The following IQCK variants were observed in gnomAD, a reference collection of about 807,000 sequenced individuals.
The protein encoded by IQCK is IQ motif containing K.
IQCK carries 29 observed loss-of-function variants against 28.1 expected under a neutral mutation model. The ratio of observed to expected loss-of-function variants is 1.03; its 90% CI spans 0.77 to 1.41. The LOEUF is 1.41. Ranked by LOEUF, IQCK falls within the 40% of genes most tolerant of loss-of-function variation. The pLI, the probability that IQCK is intolerant of heterozygous loss-of-function variation, is 0.00. For missense variants in IQCK, 359 were observed against 314.7 expected, an observed-to-expected ratio of 1.14 and a Z score of -1.07; for synonymous variants, 113 against 115.1, an observed-to-expected ratio of 0.98 and a Z score of 0.12.
At chr16:19,809,445 G>T (rs1174151086) in intron 7 of IQCK, among the ~76,000 whole-genome samples, 2 of 152,190 alleles carry the variant, frequency 1.3e-5, no homozygotes, top group East Asian at 3.9e-4. Context: ...GCTGGCTGGG[G>T]CACCACAGTT....
chr16:19,749,296 G>A (rs1222750984), intron 4 of IQCK, among the ~76,000 whole-genome samples: 6 of 152,302 alleles, frequency 3.9e-5, no homozygotes, highest in Non-Finnish European at 7.3e-5. Flanking sequence ...ATAACGTTCC[G>A]AAGCTGAACG....
chr16:19,810,083 G>A (rs2055883593), intron 7 of IQCK, among the ~76,000 whole-genome samples: 2 of 152,100 alleles, frequency 1.3e-5, no homozygotes, highest in African/African-American at 4.8e-5. Context: ...AGTCCAGTGG[G>A]CAGCCAAGCT....
intron 1 of IQCK, among the ~76,000 whole-genome samples, chr16:19,721,342 A>G (rs1977489287): frequency 6.6e-6 from 1 of 152,166 alleles, no homozygotes; most frequent in South Asian, 2.1e-4. Flanking sequence ...ACCTTAACCA[A>G]CCTGACTAGT....
At chr16:19,739,218 T>A (rs1386070789) in intron 4 of IQCK, among the ~76,000 whole-genome samples, 3 of 152,180 alleles carry the variant, frequency 2.0e-5, no homozygotes, top group African/African-American at 7.2e-5. Context: ...CTCATATTGC[T>A]TTGTCAGAAA....
intron 1 of IQCK, among the ~76,000 whole-genome samples, chr16:19,723,843 C>G (rs1977571060): frequency 6.6e-6 from 1 of 151,896 alleles, no homozygotes; most frequent in African/African-American, 2.4e-5. Flanking sequence ...ACCTGTAGTC[C>G]CAGCTACTCA....
At chr16:19,792,674 C>T (rs1386622090) in intron 7 of IQCK, among the ~76,000 whole-genome samples, 6 of 103,880 alleles carry the variant, frequency 5.8e-5, no homozygotes, top group Non-Finnish European at 9.9e-5. Context: ...TGGGTTCAAG[C>T]GATTCTCCTG....
At chr16:19,755,357 C>T (rs1050980003) in intron 4 of IQCK, among the ~76,000 whole-genome samples, 2 of 152,190 alleles carry the variant, frequency 1.3e-5, no homozygotes, top group African/African-American at 2.4e-5. Context: ...AAATGGTCCA[C>T]CCAACAGAGA....
intron 4 of IQCK, among the ~76,000 whole-genome samples, chr16:19,759,453 C>A (rs892701099): frequency 6.6e-6 from 1 of 152,102 alleles, no homozygotes; most frequent in African/African-American, 2.4e-5. Context: ...AGGTGATCCG[C>A]CTGCCTCGGC....
chr16:19,839,100 C>A (rs1438223919), intron 9 of IQCK, among the ~76,000 whole-genome samples: 1 of 149,460 alleles, frequency 6.7e-6, no homozygotes, highest in Non-Finnish European at 1.5e-5. Context: ...GAGGTTAAAT[C>A]ATTCACCTTT....
chr16:19,844,892 G>A (rs368364205), intron 9 of IQCK, among the ~76,000 whole-genome samples: 3 of 152,042 alleles, frequency 2.0e-5, no homozygotes, highest in Admixed American at 6.5e-5. Context: ...CACTGCAACC[G>A]CTGCCTGCTG....
intron 1 of IQCK, among the ~76,000 whole-genome samples, chr16:19,724,390 C>T (rs112792060): frequency 3.3e-5 from 5 of 152,306 alleles, no homozygotes; most frequent in African/African-American, 1.2e-4. Context: ...ATGTGGCTCT[C>T]CAGCAGCCTG....
intron 7 of IQCK, among the ~76,000 whole-genome samples, chr16:19,823,467 TG>T (rs1199235821): frequency 6.6e-6 from 1 of 152,034 alleles, no homozygotes; most frequent in Non-Finnish European, 1.5e-5. Context: ...TGGTCTGAGT[TG>T]TGGCTTTAAG....
chr16:19,777,195 A>G (rs2055407796), intron 6 of IQCK, among the ~76,000 whole-genome samples: 1 of 152,136 alleles, frequency 6.6e-6, no homozygotes, highest in African/African-American at 2.4e-5. Flanking sequence ...GAAACAAAAA[A>G]AAAGGTGGGG....
chr16:19,803,868 G>A (rs911626555), intron 7 of IQCK, among the ~76,000 whole-genome samples: 3 of 151,962 alleles, frequency 2.0e-5, no homozygotes, highest in African/African-American at 7.3e-5. Flanking sequence ...AGCTAGTCTC[G>A]AACTCCTGGC....
chr16:19,769,193 G>C (rs1436964905), intron 6 of IQCK, among the ~76,000 whole-genome samples: 12 of 152,138 alleles, frequency 7.9e-5, no homozygotes, highest in Admixed American at 7.9e-4. Flanking sequence ...ACCTAGTCTT[G>C]GAAGTCAAAT....
intron 6 of IQCK, among the ~76,000 whole-genome samples, chr16:19,769,314 ATATT>A (rs1202112257): frequency 6.6e-6 from 1 of 152,232 alleles, no homozygotes; most frequent in Non-Finnish European, 1.5e-5. Flanking sequence ...ATGTGTGGAC[ATATT>A]TATTTTAAAA....
At chr16:19,774,393 T>C (rs188533189) in intron 6 of IQCK, among the ~76,000 whole-genome samples, 109 of 147,230 alleles carry the variant, frequency 7.4e-4, no homozygotes, top group Non-Finnish European at 1.4e-3. Context: ...TTTATTTAGC[T>C]AATACTTTTT....
intron 9 of IQCK, 113 bp from the exon 9 acceptor site, chr16:19,856,374 A>G (rs963040051): frequency 3.7e-5 from 28 of 764,856 alleles, no homozygotes; most frequent in Non-Finnish European, 6.3e-5. Context: ...GCAGGCGCAC[A>G]GTGGGTTTTG....
chr16:19,804,047 T>A (rs1162988161), intron 7 of IQCK, among the ~76,000 whole-genome samples: 1 of 152,142 alleles, frequency 6.6e-6, no homozygotes, highest in Admixed American at 6.6e-5. Flanking sequence ...ACTTTCCTAT[T>A]TGAAAAGTAC....
Sources: allele counts gnomAD v4.1 joint callset (sites outside exome capture counted in the v4.1 genomes callset), GRCh38; gene constraint gnomAD v4.1.1; transcripts MANE v1.5; gene names NCBI Gene and HGNC (gene_info 2026-07-23, HGNC 2026-07-21).